Variants in FER observed in about 807,000 individuals in gnomAD.
FER encodes tyrosine-protein kinase Fer.
Under a neutral mutation model 111.0 loss-of-function variants are expected in FER, and 63 were observed. The observed-to-expected ratio is 0.57, with a 90% confidence interval of 0.46 to 0.70. The LOEUF (loss-of-function observed/expected upper bound fraction) is 0.70, where lower values mean the gene tolerates loss of function less well. Ranked by LOEUF, FER falls within the 30% of genes least tolerant of loss-of-function variation. The pLI is 0.00. For synonymous variants in FER, 327 were observed against 313.9 expected (o/e 1.04, Z -0.44); for missense variants, 914 against 954.0 (o/e 0.96, Z 0.55).
chr5:108,986,870 G>T (rs1762630557), intron 13 of FER, among the ~76,000 whole-genome samples: 1 of 152,112 alleles, frequency 6.6e-6, no homozygotes, highest in Non-Finnish European at 1.5e-5. Context: ...TTTGGAGTCA[G>T]GTAATGTGAT....
At chr5:108,959,154 A>G (rs1211494948) in intron 12 of FER, 71 bp from the exon 13 acceptor site, 2 of 1,499,332 alleles carry the variant, frequency 1.3e-6, no homozygotes, top group East Asian at 2.3e-5. Context: ...AAGGAATCTA[A>G]TTTATCAATG....
At chr5:108,999,087 G>A (rs937492705) in intron 13 of FER, among the ~76,000 whole-genome samples, 1 of 151,986 alleles carries the variant, frequency 6.6e-6, no homozygotes, top group African/African-American at 2.4e-5. Context: ...TTTTTTAAAA[G>A]TAAGAATTGA....
At chr5:108,782,040 T>G (rs1255460969) in intron 2 of FER, among the ~76,000 whole-genome samples, 5 of 152,178 alleles carry the variant, frequency 3.3e-5, no homozygotes, top group Admixed American at 2.0e-4. Context: ...TTTTTAAGTT[T>G]CCCACTTGTT....
Position 108,832,740 on chromosome 5 carries a change from ATGTT to A in FER, c.208-24_208-21del, listed in dbSNP as rs756816988. The stretch of plus-strand genomic sequence containing the variant: ...AGCTAAATGGAAACCTTTAATGCAA[ATGTT>A]TGTTTCTTTTTTTTTTTTTTTTAAG... On this transcript the variant is annotated intron_variant, in intron 3 of 19. Transcript: ENST00000281092. The A allele has an allele frequency of 7.7e-6, 11 of 1,430,026 alleles. No homozygotes were observed. In the East Asian group the frequency reaches 1.5e-4, roughly 19 times the overall value. 88.6% of individuals were successfully genotyped at this position (1,430,026 alleles called of 1,614,324 possible).
At chr5:108,902,169 C>A (rs1750125099) in intron 10 of FER, among the ~76,000 whole-genome samples, 1 of 152,010 alleles carries the variant, frequency 6.6e-6, no homozygotes, top group Non-Finnish European at 1.5e-5. Context: ...TTTGGCAGTA[C>A]TCTATTAAAG....
chr5:108,872,435 A>G (rs939412855), intron 8 of FER, among the ~76,000 whole-genome samples: 4 of 152,064 alleles, frequency 2.6e-5, no homozygotes, highest in East Asian at 1.9e-4. Context: ...CATTTGCCCA[A>G]TTGTTGCTAG....
chr5:108,828,777 C>T (rs1177918701), intron 3 of FER, among the ~76,000 whole-genome samples: 1 of 151,966 alleles, frequency 6.6e-6, no homozygotes, highest in Non-Finnish European at 1.5e-5. Flanking sequence ...TTCAAGTGGC[C>T]GACAATATTT....
At chr5:109,004,166 C>G (rs1765200632) in intron 13 of FER, among the ~76,000 whole-genome samples, 1 of 152,178 alleles carries the variant, frequency 6.6e-6, no homozygotes, top group African/African-American at 2.4e-5. Flanking sequence ...GAATCTAGAG[C>G]TATCCTATGC....
At chr5:108,814,775 AC>A (rs998860096) in intron 3 of FER, among the ~76,000 whole-genome samples, 1 of 151,966 alleles carries the variant, frequency 6.6e-6, no homozygotes, top group East Asian at 1.9e-4. Flanking sequence ...AGATGGAATC[AC>A]TCTAGTTCGA....
In FER at chr5:108,882,946, CAAAT is replaced by C. The variant is rs575538899; in HGVS notation, c.924-447_924-444del. Among the ~76,000 whole-genome samples, 379 of 151,936 alleles carry C rather than the reference CAAAT, an allele frequency of 2.5e-3. 5 individuals carry two copies. The highest frequency in any genetic ancestry group is 8.4e-3 in the African/African-American group (350 of 41,506). ...ATAGCTTACCATGAATTTAAAATGA[CAAAT>C]AACTGAGCCTCACTTTCATTTCTTT... On this transcript the variant is annotated intron_variant, in intron 8 of 19. Transcript: ENST00000281092.
intron 16 of FER, among the ~76,000 whole-genome samples, chr5:109,083,639 C>T (rs972598587): frequency 5.0e-4 from 76 of 152,126 alleles, no homozygotes; most frequent in African/African-American, 1.7e-3. Flanking sequence ...AGATCACTTG[C>T]ATGTCTGCAC....
chr5:108,773,501 C>A (rs1452275059), intron 2 of FER, among the ~76,000 whole-genome samples: 3 of 152,162 alleles, frequency 2.0e-5, no homozygotes, highest in African/African-American at 7.2e-5. Flanking sequence ...CCAATTCCAT[C>A]CATGTCCTTT....
intron 10 of FER, among the ~76,000 whole-genome samples, chr5:108,899,060 A>C (rs1259298122): frequency 6.7e-6 from 1 of 148,956 alleles, no homozygotes; most frequent in Non-Finnish European, 1.5e-5. Flanking sequence ...GTATGATTTG[A>C]TTAAGTGGGT....
chr5:108,842,260 A>G (rs1761343471), intron 5 of FER: 1 of 152,176 alleles, frequency 6.6e-6, no homozygotes, highest in Non-Finnish European at 1.5e-5. Flanking sequence ...ACTTTTGTAT[A>G]GGTTGGATTT....
intron 1 of FER, among the ~76,000 whole-genome samples, chr5:108,758,307 AG>A (rs1432265465): frequency 1.9e-3 from 282 of 152,316 alleles, no homozygotes; most frequent in African/African-American, 6.1e-3. Flanking sequence ...AAACCTACCT[AG>A]AGTTGAATCT....
intron 17 of FER, among the ~76,000 whole-genome samples, chr5:109,121,564 G>T (rs540235582): frequency 2.6e-5 from 4 of 152,046 alleles, no homozygotes; most frequent in Non-Finnish European, 4.4e-5. Flanking sequence ...TTTTTTTGAT[G>T]TGTCTTTATC....
intron 17 of FER, among the ~76,000 whole-genome samples, chr5:109,131,157 A>G (rs1014706675): frequency 1.3e-5 from 2 of 152,202 alleles, no homozygotes; most frequent in African/African-American, 2.4e-5. Context: ...GATATTTCAC[A>G]TTAAGTCTCA....
intron 14 of FER, among the ~76,000 whole-genome samples, chr5:109,041,289 A>G (rs765907924): frequency 9.9e-5 from 15 of 152,174 alleles, no homozygotes; most frequent in Non-Finnish European, 1.8e-4. Flanking sequence ...ACAGAGGAGC[A>G]AATAAACTGA....
intron 10 of FER, among the ~76,000 whole-genome samples, chr5:108,913,509 C>T (rs916533303): frequency 6.6e-6 from 1 of 152,160 alleles, no homozygotes; most frequent in African/African-American, 2.4e-5. Context: ...AGAAATTTGG[C>T]ATACTGTGTT....
Sources: allele counts gnomAD v4.1 joint callset (sites outside exome capture counted in the v4.1 genomes callset), GRCh38; gene constraint gnomAD v4.1.1; transcripts MANE v1.5; gene names NCBI Gene and HGNC (gene_info 2026-07-23, HGNC 2026-07-21).